Variants in PRSS3 observed in about 807,000 individuals in gnomAD.
PRSS3 encodes trypsin-3.
A neutral mutation model predicts 20.8 loss-of-function variants in PRSS3; 14 were observed. That is an observed-to-expected ratio of 0.67 (90% CI 0.44 to 1.05). PRSS3 has a LOEUF of 1.05. PRSS3 is among the 50% of genes least tolerant of loss of function. PRSS3 has a pLI of 0.00. For synonymous variants in PRSS3, 91 were observed against 117.6 expected, an observed-to-expected ratio of 0.77 and a Z score of 1.46; for missense variants, 237 against 306.4, an observed-to-expected ratio of 0.77 and a Z score of 1.69.
At chr9:33,767,301 A>G (rs1823477949) in intron 1 of PRSS3, among the ~76,000 whole-genome samples, 1 of 151,956 alleles carries the variant, frequency 6.6e-6, no homozygotes, top group Non-Finnish European at 1.5e-5. Context: ...AAAAATAAAC[A>G]GAAAAAGTAA....
chr9:33,796,855 C>A, intron 2 of PRSS3, 53 bp downstream of exon 2: 10 of 1,613,662 alleles, frequency 6.2e-6, no homozygotes, highest in Middle Eastern at 1.7e-4. Context: ...CCTGGGAGAG[C>A]TTGGCTTCAG....
intron 1 of PRSS3, among the ~76,000 whole-genome samples, chr9:33,781,303 T>C (rs533234204): frequency 1.3e-5 from 2 of 152,252 alleles, no homozygotes; most frequent in Admixed American, 6.5e-5. Context: ...CAATGATGGA[T>C]TGGATGAAGA....
At chr9:33,769,156 T>G (rs1440217380) in intron 1 of PRSS3, among the ~76,000 whole-genome samples, 1 of 152,228 alleles carries the variant, frequency 6.6e-6, no homozygotes, top group Non-Finnish European at 1.5e-5. Context: ...TGGCCTGATT[T>G]CTTCTTGCTG....
intron 1 of PRSS3, among the ~76,000 whole-genome samples, chr9:33,788,646 G>C (rs62555900): frequency 0.21 from 32,340 of 152,088 alleles, 4,157 homozygotes; most frequent in East Asian, 0.55. Flanking sequence ...ATTCTGGAAG[G>C]ATCATTACAG....
At chr9:33,760,862 A>G (rs1452456870) in intron 1 of PRSS3, among the ~76,000 whole-genome samples, 1 of 152,010 alleles carries the variant, frequency 6.6e-6, no homozygotes, top group African/African-American at 2.4e-5. Context: ...CTCAGTGGCC[A>G]GTGTTCTTGT....
At chr9:33,775,629 A>T (rs550213117) in intron 1 of PRSS3, among the ~76,000 whole-genome samples, 1 of 152,050 alleles carries the variant, frequency 6.6e-6, no homozygotes, top group South Asian at 2.1e-4. Flanking sequence ...GACAAGGGGG[A>T]CTTGAAAACT....
At chr9:33,770,388 A>G (rs181717376) in intron 1 of PRSS3, among the ~76,000 whole-genome samples, 106 of 152,258 alleles carry the variant, frequency 7.0e-4, no homozygotes, top group African/African-American at 2.5e-3. Flanking sequence ...CGATACTTAC[A>G]TGAGATTTTG....
chr9:33,766,758 TG>T (rs1462766173), intron 1 of PRSS3, among the ~76,000 whole-genome samples: 1 of 151,896 alleles, frequency 6.6e-6, no homozygotes, highest in East Asian at 1.9e-4. Flanking sequence ...TGCCAGGGGC[TG>T]GGGGTGCTGG....
chr9:33,772,171 C>T (rs1823739824), intron 1 of PRSS3, among the ~76,000 whole-genome samples: 1 of 151,962 alleles, frequency 6.6e-6, no homozygotes. Context: ...CGCGCGCAGC[C>T]CCCAGGCTAG....
upstream of PRSS3, among the ~76,000 whole-genome samples, chr9:33,793,032 T>C (rs1447356649): frequency 6.6e-6 from 1 of 152,272 alleles, no homozygotes; most frequent in Non-Finnish European, 1.5e-5. Context: ...TCTCCACCTA[T>C]AGCTATCTTC....
intron 1 of PRSS3, among the ~76,000 whole-genome samples, chr9:33,758,592 T>G (rs192496616): frequency 6.6e-6 from 1 of 152,220 alleles, no homozygotes; most frequent in African/African-American, 2.4e-5. Context: ...TGAAAATCAT[T>G]TTTCCAGAAT....
intron 1 of PRSS3, among the ~76,000 whole-genome samples, chr9:33,777,926 AG>A: frequency 6.6e-6 from 1 of 152,278 alleles, no homozygotes; most frequent in South Asian, 2.1e-4. Context: ...TTTCCAGAAT[AG>A]CCCTGAAAAT....
At chr9:33,754,762 C>T (rs1421827961) in intron 1 of PRSS3, among the ~76,000 whole-genome samples, 1 of 152,084 alleles carries the variant, frequency 6.6e-6, no homozygotes, top group Non-Finnish European at 1.5e-5. Flanking sequence ...ACCCAGGAGG[C>T]AGAGGTTGCA....
Position 33,797,845 on chromosome 9 carries a change from C to G in PRSS3, c.217C>G (p.Leu73Val). Residue 73 changes from leucine to valine, a missense_variant, in exon 3 of 5, where the codon CTG (leucine) becomes GTG (valine). Transcript: ENST00000379405. ...GCCCATCAGCCGCATCCAGGTGAGA[C>G]TGGGAGAGCACAACATCAAAGTCCT... ...HCYKTRIQVR[L>V]GEHNIKVLEG... The G allele has an allele frequency of 6.2e-7, 1 of 1,614,260 alleles. No homozygotes were observed. Among genetic ancestry groups the G allele is most frequent in the Non-Finnish European group, 8.5e-7 (1 of 1,180,050 alleles).
intron 1 of PRSS3, among the ~76,000 whole-genome samples, chr9:33,796,039 T>G (rs185739114): frequency 2.0e-5 from 3 of 152,376 alleles, no homozygotes; most frequent in Non-Finnish European, 4.4e-5. Flanking sequence ...GTGCAGCCTG[T>G]GTACTGGGCT....
chr9:33,776,441 G>A (rs1420208528), intron 1 of PRSS3, among the ~76,000 whole-genome samples: 3 of 152,154 alleles, frequency 2.0e-5, no homozygotes, highest in African/African-American at 4.8e-5. Context: ...GAACCATACA[G>A]TAAGGACAAA....
upstream of PRSS3, among the ~76,000 whole-genome samples, chr9:33,792,759 C>A (rs1160412071): frequency 2.0e-5 from 3 of 152,154 alleles, no homozygotes; most frequent in Non-Finnish European, 2.9e-5. Flanking sequence ...AGAAAAAATT[C>A]TTAACTTATA....
chr9:33,771,647 T>G (rs1445292457), intron 1 of PRSS3, among the ~76,000 whole-genome samples: 7 of 129,538 alleles, frequency 5.4e-5, no homozygotes, highest in African/African-American at 7.6e-5. Flanking sequence ...GTTTTTTTGT[T>G]TTTTTTTTTT....
At chr9:33,798,106 T>C in intron 3 of PRSS3, 24 bp downstream of exon 3, 2 of 1,614,244 alleles carry the variant, frequency 1.2e-6, no homozygotes, top group Non-Finnish European at 1.7e-6. Flanking sequence ...TTTGTCCTTC[T>C]ACTTCCCCCC....
Sources: gnomAD v4.1 joint callset for allele counts (sites outside exome capture counted in the v4.1 genomes callset) on GRCh38, gnomAD v4.1.1 for gene constraint, MANE v1.5 for transcripts, NCBI Gene and HGNC (gene_info 2026-07-23, HGNC 2026-07-21) for gene names.